Variants in ABCC9 observed in about 807,000 individuals in gnomAD.
The protein encoded by ABCC9 is ATP-binding cassette sub-family C member 9.
ABCC9 carries 95 observed loss-of-function variants against 188.3 expected under a neutral mutation model. That is an observed-to-expected ratio of 0.50 (90% CI 0.43 to 0.60). The LOEUF (loss-of-function observed/expected upper bound fraction) is 0.60, where lower values mean the gene tolerates loss of function less well. Among genes scored for constraint, ABCC9 ranks in the 20% least tolerant of loss-of-function variants. The pLI, the probability that ABCC9 is intolerant of heterozygous loss-of-function variation, is 0.00. For missense variants in ABCC9, 1,102 were observed against 1,876.3 expected (o/e 0.59, Z 7.62); for synonymous variants, 659 against 652.7 (o/e 1.01, Z -0.15).
intron 34 of ABCC9, among the ~76,000 whole-genome samples, chr12:21,815,369 C>T (rs1435714761): frequency 6.9e-6 from 1 of 144,778 alleles, no homozygotes; most frequent in Non-Finnish European, 1.5e-5. Flanking sequence ...AGTTTTATAA[C>T]AAAAAGTAGA....
chr12:21,807,217 T>C (rs1941918060), intron 38 of ABCC9, 129 bp downstream of exon 38: 3 of 1,251,712 alleles, frequency 2.4e-6, no homozygotes, highest in Non-Finnish European at 1.2e-6. Flanking sequence ...GTTCATCCAG[T>C]AGATGATTGA....
chr12:21,829,165 G>A, intron 30 of ABCC9, 105 bp from the exon 31 acceptor site: 1 of 611,564 alleles, frequency 1.6e-6, no homozygotes, highest in African/African-American at 1.9e-5. Flanking sequence ...CAAACTGATG[G>A]CATGGAATGA....
chr12:21,865,372 C>CA (rs1592104115), intron 18 of ABCC9, among the ~76,000 whole-genome samples: 1 of 151,902 alleles, frequency 6.6e-6, no homozygotes, highest in African/African-American at 2.4e-5. Flanking sequence ...CTGACAGAGG[C>CA]AAAAAAGGCA....
intron 35 of ABCC9, among the ~76,000 whole-genome samples, chr12:21,813,265 C>A (rs1942383658): frequency 6.6e-6 from 1 of 152,066 alleles, no homozygotes; most frequent in Non-Finnish European, 1.5e-5. Flanking sequence ...GAGGTTTGTG[C>A]AGTGTTGATG....
intron 16 of ABCC9, among the ~76,000 whole-genome samples, chr12:21,876,309 A>G (rs1260528210): frequency 6.6e-6 from 1 of 151,682 alleles, no homozygotes; most frequent in Non-Finnish European, 1.5e-5. Flanking sequence ...AACATTTCCC[A>G]ATGAAATCTC....
At chr12:21,881,001 G>T (rs1166747543) in intron 16 of ABCC9, among the ~76,000 whole-genome samples, 4 of 151,910 alleles carry the variant, frequency 2.6e-5, no homozygotes, top group Admixed American at 2.6e-4. Flanking sequence ...TAAAATATAG[G>T]TGAATTACAC....
intron 10 of ABCC9, 89 bp from the exon 11 acceptor site, chr12:21,908,300 A>T: frequency 6.9e-7 from 1 of 1,442,882 alleles, no homozygotes; most frequent in Admixed American, 1.8e-5. Context: ...CAAATGTAGT[A>T]TTTCTTAATT....
chr12:21,872,180 G>A (rs1264807734), intron 18 of ABCC9, among the ~76,000 whole-genome samples: 1 of 152,044 alleles, frequency 6.6e-6, no homozygotes, highest in African/African-American at 2.4e-5. Context: ...AGGATAAATA[G>A]TTGATTTTCA....
intron 25 of ABCC9, among the ~76,000 whole-genome samples, chr12:21,846,906 A>G (rs1484463787): frequency 6.6e-6 from 1 of 152,092 alleles, no homozygotes; most frequent in Non-Finnish European, 1.5e-5. Flanking sequence ...GAAAGAGCCA[A>G]TAATAAGTAA....
At chr12:21,939,399 T>C (rs1283062169) in intron 2 of ABCC9, among the ~76,000 whole-genome samples, 1 of 152,224 alleles carries the variant, frequency 6.6e-6, no homozygotes, top group East Asian at 1.9e-4. Context: ...AGTAAACTTA[T>C]TGCTGATATA....
chr12:21,901,136 T>G (rs897106192), intron 12 of ABCC9, among the ~76,000 whole-genome samples: 7 of 151,868 alleles, frequency 4.6e-5, no homozygotes, highest in African/African-American at 1.2e-4. Flanking sequence ...CAGAAGAGAG[T>G]GAGGACCAAT....
At chr12:21,934,753 C>T (rs1457203634) in intron 3 of ABCC9, among the ~76,000 whole-genome samples, 1 of 151,816 alleles carries the variant, frequency 6.6e-6, no homozygotes, top group East Asian at 1.9e-4. Flanking sequence ...AAAAAAAGCC[C>T]CACCTACTTC....
chr12:21,908,482 A>G (rs551629830), intron 10 of ABCC9, among the ~76,000 whole-genome samples: 18 of 152,114 alleles, frequency 1.2e-4, no homozygotes, highest in African/African-American at 4.3e-4. Flanking sequence ...TGTCAAACCA[A>G]TGTATTGCAT....
intron 12 of ABCC9, among the ~76,000 whole-genome samples, chr12:21,903,873 T>G (rs1048029370): frequency 6.6e-6 from 1 of 152,228 alleles, no homozygotes; most frequent in African/African-American, 2.4e-5. Flanking sequence ...ATTTATAGAT[T>G]CAATGCTATC....
intron 13 of ABCC9, among the ~76,000 whole-genome samples, chr12:21,894,401 A>T (rs531723326): frequency 6.6e-6 from 1 of 152,306 alleles, no homozygotes; most frequent in Non-Finnish European, 1.5e-5. Context: ...TTAGAAAAAA[A>T]TTCTACTTAC....
chr12:21,890,820 TG>T (rs1380693130), intron 14 of ABCC9, among the ~76,000 whole-genome samples: 1 of 94,720 alleles, frequency 1.1e-5, no homozygotes, highest in East Asian at 2.8e-4. Flanking sequence ...GGGACTGTTG[TG>T]GGGTGGGGGG....
intron 3 of ABCC9, among the ~76,000 whole-genome samples, chr12:21,934,186 T>C (rs1380374952): frequency 6.6e-6 from 1 of 152,084 alleles, no homozygotes; most frequent in African/African-American, 2.4e-5. Context: ...GACAACATGG[T>C]TCTACCTCAT....
chr12:21,838,910 C>T (rs1374393865), intron 29 of ABCC9, among the ~76,000 whole-genome samples: 1 of 152,170 alleles, frequency 6.6e-6, no homozygotes, highest in Non-Finnish European at 1.5e-5. Context: ...CCAGTAATCC[C>T]AGCTACTCAG....
At chr12:21,910,419 A>T (rs4148655) in intron 9 of ABCC9, 107 bp from the exon 10 acceptor site, 14 of 1,182,764 alleles carry the variant, frequency 1.2e-5, no homozygotes, top group South Asian at 1.5e-5. Context: ...TTGAGAAAAA[A>T]GAAAAGAAAA....
Sources: gnomAD v4.1 joint callset for allele counts (sites outside exome capture counted in the v4.1 genomes callset) on GRCh38, gnomAD v4.1.1 for gene constraint, MANE v1.5 for transcripts, NCBI Gene and HGNC (gene_info 2026-07-23, HGNC 2026-07-21) for gene names.